PLA2G5: variants seen among roughly 807,000 people sequenced by gnomAD.
PLA2G5 encodes phospholipase A2 group V, also known as Ca2+-dependent phospholipase A2.
PLA2G5 carries 12 observed loss-of-function variants against 15.9 expected under a neutral mutation model. The ratio of observed to expected loss-of-function variants is 0.76; its 90% CI spans 0.48 to 1.23. PLA2G5 has a LOEUF of 1.23. Among genes scored for constraint, PLA2G5 ranks in the 50% most tolerant of loss-of-function variants. PLA2G5 has a pLI of 0.00. For synonymous variants in PLA2G5, 71 were observed against 71.4 expected (o/e 0.99, Z 0.03); for missense variants, 169 against 177.1 (o/e 0.95, Z 0.26).
intron 1 of PLA2G5, among the ~76,000 whole-genome samples, chr1:20,073,863 C>T (rs2015521386): frequency 6.6e-6 from 1 of 151,660 alleles, no homozygotes; most frequent in Non-Finnish European, 1.5e-5. Flanking sequence ...GAGGGAGACT[C>T]CATCCAAAAA....
intron 2 of PLA2G5, among the ~76,000 whole-genome samples, chr1:20,065,180 G>A (rs187429976): frequency 3.3e-4 from 50 of 152,120 alleles, no homozygotes; most frequent in Admixed American, 2.1e-3. Flanking sequence ...CCCATATACC[G>A]CCCCCTTATC....
rs60259205 is a variant in PLA2G5, at chr1:20,053,570, CGGG to C, written n.277-6053_277-6051del. The stretch of plus-strand genomic sequence containing the variant: ...TTGATTTTAATTATGTATTACTTTG[CGGG>C]GGGGGGGGTGATATGCAAAACTTTC... On this transcript the variant is annotated intron_variant and non_coding_transcript_variant, in intron 1 of 6. Coordinates refer to the PLA2G5 transcript ENST00000460175. 8.1e-4 allele frequency among the ~76,000 whole-genome samples: 80 copies of C among 98,210 alleles called. 2 individuals carry two copies. Among genetic ancestry groups the C allele is most frequent in the East Asian group, 3.2e-3 (10 of 3,144 alleles). The allele number at this position is 98,210 out of a possible 152,430, so 64.4% of individuals were successfully genotyped here.
At chr1:20,033,264 C>T (rs942303364) in intron 1 of PLA2G5, among the ~76,000 whole-genome samples, 2 of 152,112 alleles carry the variant, frequency 1.3e-5, no homozygotes, top group Non-Finnish European at 2.9e-5. Flanking sequence ...TAATGAACCA[C>T]GTAGGTGTTC....
At chr1:20,028,585 T>C (rs1222275662) in exon 1 of PLA2G5, 4 of 152,284 alleles carry the variant, frequency 2.6e-5, no homozygotes, top group Admixed American at 6.5e-5. Context: ...TGTTCGACTT[T>C]AGAGTTGTTT....
chr1:20,038,225 C>T (rs1283281101), intron 1 of PLA2G5, among the ~76,000 whole-genome samples: 2 of 152,128 alleles, frequency 1.3e-5, no homozygotes, highest in South Asian at 2.1e-4. Flanking sequence ...TCCCTGACTG[C>T]GGTGGATTCT....
At chr1:20,055,674 G>A (rs1198511912) in intron 1 of PLA2G5, among the ~76,000 whole-genome samples, 4 of 152,210 alleles carry the variant, frequency 2.6e-5, no homozygotes, top group African/African-American at 9.6e-5. Context: ...CCGACCCAGT[G>A]CTTTGGGACT....
At chr1:20,086,043 G>A (rs1335182763) in intron 2 of PLA2G5, 40 bp from the exon 3 acceptor site, 3 of 1,611,058 alleles carry the variant, frequency 1.9e-6, no homozygotes, top group Non-Finnish European at 2.5e-6. Flanking sequence ...GCAGGGCTGG[G>A]CTGCCTGGGT....
At chr1:20,080,560 G>T (rs2015951502) in intron 1 of PLA2G5, among the ~76,000 whole-genome samples, 1 of 152,118 alleles carries the variant, frequency 6.6e-6, no homozygotes, top group African/African-American at 2.4e-5. Context: ...CCAGTCTGAG[G>T]GAAAGCCAGA....
chr1:20,045,262 AAG>A (rs1240656523), intron 1 of PLA2G5, among the ~76,000 whole-genome samples: 3 of 152,118 alleles, frequency 2.0e-5, no homozygotes, highest in Non-Finnish European at 4.4e-5. Context: ...AGCCAGAGAA[AAG>A]AGAGGGTAGA....
At chr1:20,077,651 TATCTC>T (rs1557748893) in intron 1 of PLA2G5, among the ~76,000 whole-genome samples, 2 of 152,080 alleles carry the variant, frequency 1.3e-5, no homozygotes, top group African/African-American at 2.4e-5. Context: ...CTGCCTGACT[TATCTC>T]ATCGAATTAT....
rs146434783 is a variant in PLA2G5, at chr1:20,049,895, A to G, written n.277-9737A>G. On this transcript the variant is annotated intron_variant and non_coding_transcript_variant, in intron 1 of 6. Coordinates refer to the PLA2G5 transcript ENST00000460175. ...GTGTGAAATAGTAACGCTCTCCTTCAACTTATTTTCAGCTCACATAAGTTT... is the reference window on the plus strand; with the variant it reads ...GTGTGAAATAGTAACGCTCTCCTTCGACTTATTTTCAGCTCACATAAGTTT... 1.1e-3 allele frequency among the ~76,000 whole-genome samples: 166 copies of G among 152,266 alleles called. 1 individual carries two copies. In the East Asian group the frequency reaches 0.026, roughly 24 times the overall value.
rs747350111 is a variant in PLA2G5, at chr1:20,089,776, C to T, written c.186-13C>T. The T allele has an allele frequency of 1.2e-6, 2 of 1,611,176 alleles. No homozygotes were observed. The highest frequency in any genetic ancestry group is 1.7e-6 in the Non-Finnish European group (2 of 1,177,398). On this transcript the variant is annotated splice_polypyrimidine_tract_variant and intron_variant, in intron 3 of 4. Transcript: ENST00000375108. Reference sequence around the variant, plus strand: ...CCCCTCCCACTCGGGATCTAAGTCTCTTGCACGGACAGGTGCTGTTGGGCG... The same window carrying T: ...CCCCTCCCACTCGGGATCTAAGTCTTTTGCACGGACAGGTGCTGTTGGGCG...
rs534091506 is a variant in PLA2G5 at position 20,075,379 on chromosome 1, G to A, written c.-11+4914G>A. Among the ~76,000 whole-genome samples the A allele has an allele frequency of 1.3e-3, 204 of 152,250 alleles. 1 individual carries two copies. Among genetic ancestry groups the A allele is most frequent in the African/African-American group, 4.6e-3 (193 of 41,542 alleles). On this transcript the variant is annotated intron_variant, in intron 1 of 4. Coordinates refer to ENST00000375108, the MANE Select transcript of PLA2G5 (RefSeq NM_000929.3). ...AAGAAAGTTTCTGAGCAGTCACTTGGGGGCATGTCCCACCATCCTGTTAAA... is the reference window on the plus strand; with the variant it reads ...AAGAAAGTTTCTGAGCAGTCACTTGAGGGCATGTCCCACCATCCTGTTAAA...
chr1:20,041,114 T>C (rs905277515), intron 1 of PLA2G5, among the ~76,000 whole-genome samples: 2 of 152,226 alleles, frequency 1.3e-5, no homozygotes, highest in Admixed American at 1.3e-4. Context: ...CTGAAACCTG[T>C]CTCAGATATT....
At chr1:20,041,077 C>T (rs61769962) in intron 1 of PLA2G5, among the ~76,000 whole-genome samples, 44,546 of 152,116 alleles carry the variant, frequency 0.29, 6,677 homozygotes, top group Admixed American at 0.35. Flanking sequence ...TGTCCTCAAC[C>T]TTGGCAAAAT....
intron 2 of PLA2G5, among the ~76,000 whole-genome samples, chr1:20,060,374 C>T (rs1230513316): frequency 6.6e-6 from 1 of 150,670 alleles, no homozygotes; most frequent in Non-Finnish European, 1.5e-5. Flanking sequence ...CTGCCTCAGC[C>T]TCCCAAGTAG....
At chr1:20,089,465 T>G (rs937165793) in intron 3 of PLA2G5, among the ~76,000 whole-genome samples, 1 of 152,162 alleles carries the variant, frequency 6.6e-6, no homozygotes, top group African/African-American at 2.4e-5. Flanking sequence ...GTGGGAAGTT[T>G]GTCTGGGCAG....
At chr1:20,036,059 A>G (rs2013233741) in intron 1 of PLA2G5, among the ~76,000 whole-genome samples, 1 of 152,240 alleles carries the variant, frequency 6.6e-6, no homozygotes. Context: ...GAGACTAAAG[A>G]TACAACCCCA....
At chr1:20,058,209 T>C (rs950231480) in intron 1 of PLA2G5, among the ~76,000 whole-genome samples, 1 of 152,236 alleles carries the variant, frequency 6.6e-6, no homozygotes, top group African/African-American at 2.4e-5. Flanking sequence ...CTCTGTTCAT[T>C]ACTGAGAGAG....
Sources: gnomAD v4.1 joint callset for allele counts (sites outside exome capture counted in the v4.1 genomes callset) on GRCh38, gnomAD v4.1.1 for gene constraint, MANE v1.5 for transcripts, NCBI Gene and HGNC (gene_info 2026-07-23, HGNC 2026-07-21) for gene names.